The following MS4A6E variants were observed in gnomAD, a reference collection of about 807,000 sequenced individuals.
The protein encoded by MS4A6E is membrane spanning 4-domains A6E.
MS4A6E carries 8 observed loss-of-function variants against 13.2 expected under a neutral mutation model. That is an observed-to-expected ratio of 0.60 (90% confidence interval 0.35 to 1.09). The LOEUF (loss-of-function observed/expected upper bound fraction) is 1.09, where lower values mean the gene tolerates loss of function less well. Among genes scored for constraint, MS4A6E ranks in the 50% least tolerant of loss-of-function variants. The pLI, the probability that MS4A6E is intolerant of heterozygous loss-of-function variation, is 0.02. For synonymous variants in MS4A6E, 72 were observed against 67.6 expected, an observed-to-expected ratio of 1.06 and a Z score of -0.32; for missense variants, 177 against 171.1, an observed-to-expected ratio of 1.03 and a Z score of -0.19.
Position 60,339,960 on chromosome 11 carries a change from C to T in MS4A6E, c.*5C>T. On this transcript the variant is annotated 3_prime_UTR_variant, in exon 4 of 5. Transcript: ENST00000684409. The stretch of plus-strand genomic sequence containing the variant: ...CAGTGGAAACAGACTGTCTGACTTC[C>T]CTGGGTGAGTGTGCTGGCCAGCCTC... 1 of 1,613,356 alleles carries T rather than the reference C, an allele frequency of 6.2e-7. No homozygotes were observed. The highest frequency in any genetic ancestry group is 8.5e-7 in the Non-Finnish European group (1 of 1,179,514).
intron 1 of MS4A6E, 49 bp from the exon 2 acceptor site, chr11:60,334,833 C>T (rs1310506681): frequency 3.8e-6 from 6 of 1,591,432 alleles, no homozygotes; most frequent in Non-Finnish European, 5.1e-6. Context: ...GCAGCCAGAA[C>T]TTGGGAGCTC....
At chr11:60,335,499 C>A in intron 2 of MS4A6E, 1 of 443,774 alleles carries the variant, frequency 2.3e-6, no homozygotes, top group Non-Finnish European at 4.5e-6. Context: ...TGATATTTAC[C>A]TTTTATTTGT....
chr11:60,329,454 C>T (rs548189634), intron 1 of MS4A6E, among the ~76,000 whole-genome samples: 12 of 152,264 alleles, frequency 7.9e-5, no homozygotes, highest in South Asian at 4.1e-4. Flanking sequence ...GATAAACATA[C>T]GTGTGTATGT....
At chr11:60,345,040 T>C (rs1001180140), downstream of MS4A6E, among the ~76,000 whole-genome samples, 2 of 152,164 alleles carry the variant, frequency 1.3e-5, no homozygotes, top group Non-Finnish European at 1.5e-5. Context: ...GTTCACGCCA[T>C]TCTCCTGCCT....
chr11:60,331,561 G>A (rs182562721), intron 1 of MS4A6E, among the ~76,000 whole-genome samples: 23 of 152,092 alleles, frequency 1.5e-4, no homozygotes, highest in Non-Finnish European at 1.0e-4. Flanking sequence ...TGTTTTCCAT[G>A]AGTTCAAGTT....
chr11:60,336,263 G>T (rs2085188096), intron 2 of MS4A6E, among the ~76,000 whole-genome samples: 1 of 152,202 alleles, frequency 6.6e-6, no homozygotes, highest in Non-Finnish European at 1.5e-5. Flanking sequence ...GTCACATGTG[G>T]CTATCGATGA....
chr11:60,342,412 T>C (rs1043840777), downstream of MS4A6E, among the ~76,000 whole-genome samples: 4 of 152,034 alleles, frequency 2.6e-5, no homozygotes, highest in African/African-American at 9.7e-5. Context: ...AGAAGTTTAA[T>C]GGCTAAAAGA....
intron 3 of MS4A6E, chr11:60,338,704 C>G (rs780253435): frequency 6.6e-6 from 1 of 152,128 alleles, no homozygotes; most frequent in Non-Finnish European, 1.5e-5. Context: ...GAGAGGAAAA[C>G]AGGCAACATA....
downstream of MS4A6E, among the ~76,000 whole-genome samples, chr11:60,341,695 A>AGC (rs1245013141): frequency 6.6e-6 from 1 of 152,144 alleles, no homozygotes; most frequent in Admixed American, 6.6e-5. Flanking sequence ...GACCCTCTGT[A>AGC]GCAGGGGTCA....
chr11:60,331,270 T>C (rs760227240), intron 1 of MS4A6E, among the ~76,000 whole-genome samples: 9 of 152,078 alleles, frequency 5.9e-5, no homozygotes, highest in Non-Finnish European at 1.3e-4. Flanking sequence ...ATAGTTCTTA[T>C]TACAATTTCC....
chr11:60,340,948 C>T lies in MS4A6E; in HGVS notation c.*182C>T, dbSNP rs1334051538. The T allele has an allele frequency of 6.6e-6, 1 of 152,508 alleles. No homozygotes were observed. The highest frequency in any genetic ancestry group is 1.5e-5 in the Non-Finnish European group (1 of 68,034). 9.4% of individuals were successfully genotyped at this position (152,508 alleles called of 1,614,324 possible). The stretch of plus-strand genomic sequence containing the variant: ...CTAAATGTAAGCATTTAAAGTAATG[C>T]ATATTTGTTTTAAAAAATTATTTCG... On this transcript the variant is annotated 3_prime_UTR_variant, in exon 5 of 5. Transcript: ENST00000684409.
intron 2 of MS4A6E, chr11:60,335,550 T>C: frequency 2.2e-6 from 1 of 455,874 alleles, no homozygotes. Flanking sequence ...AGAAGCTGTA[T>C]TGCATGAAGG....
chr11:60,334,202 A>G (rs188583776), intron 1 of MS4A6E, among the ~76,000 whole-genome samples: 26 of 152,260 alleles, frequency 1.7e-4, no homozygotes, highest in East Asian at 9.7e-4. Flanking sequence ...CACTAGGGAG[A>G]TTGTAGTACT....
intron 4 of MS4A6E, among the ~76,000 whole-genome samples, chr11:60,347,589 A>C (rs894883702): frequency 1.3e-5 from 2 of 152,006 alleles, no homozygotes; most frequent in African/African-American, 4.8e-5. Context: ...GAGAAAAAAA[A>C]AAAAAAGGCC....
intron 1 of MS4A6E, among the ~76,000 whole-genome samples, chr11:60,333,405 A>G (rs1406653986): frequency 6.6e-6 from 1 of 152,246 alleles, no homozygotes; most frequent in Non-Finnish European, 1.5e-5. Flanking sequence ...CCAGCAATCC[A>G]AAGAACAATA....
downstream of MS4A6E, among the ~76,000 whole-genome samples, chr11:60,342,144 A>AGTGTGTGTGT (rs757687887): frequency 3.2e-5 from 4 of 125,476 alleles, no homozygotes; most frequent in African/African-American, 6.4e-5. Flanking sequence ...AGGATAAACA[A>AGTGTGTGTGT]GTGTGTGTGT....
At chr11:60,345,125 G>A (rs1308979211), downstream of MS4A6E, among the ~76,000 whole-genome samples, 3 of 151,922 alleles carry the variant, frequency 2.0e-5, no homozygotes, top group Admixed American at 2.0e-4. Flanking sequence ...TAGTAGAGAT[G>A]GGGTTTCACC....
intron 1 of MS4A6E, among the ~76,000 whole-genome samples, chr11:60,332,955 C>T (rs1024906837): frequency 3.9e-5 from 6 of 152,232 alleles, no homozygotes; most frequent in Non-Finnish European, 7.3e-5. Context: ...AGAGCCCACA[C>T]GCTTCATTTT....
chr11:60,344,884 T>C (rs56193314), downstream of MS4A6E, among the ~76,000 whole-genome samples: 3 of 151,638 alleles, frequency 2.0e-5, no homozygotes, highest in Non-Finnish European at 4.4e-5. Context: ...CCTGCTAATT[T>C]CCTGGTGGTT....
Sources: gnomAD v4.1 joint callset for allele counts (sites outside exome capture counted in the v4.1 genomes callset) on GRCh38, gnomAD v4.1.1 for gene constraint, MANE v1.5 for transcripts, NCBI Gene and HGNC (gene_info 2026-07-23, HGNC 2026-07-21) for gene names.